AGBL1: variants seen among roughly 807,000 people sequenced by gnomAD.
AGBL1 encodes the protein cytosolic carboxypeptidase 4.
In AGBL1, 130 loss-of-function variants were observed where a neutral mutation model predicts 118.9. The observed-to-expected ratio is 1.09, with a 90% CI of 0.95 to 1.26. The LOEUF is 1.26. Among genes scored for constraint, AGBL1 ranks in the 50% most tolerant of loss-of-function variants. The probability of loss-of-function intolerance (pLI) is 0.00; values close to 1 mark genes in which losing one functional copy is unlikely to be tolerated. For missense variants in AGBL1, 1,584 were observed against 1,298.1 expected (o/e 1.22, Z -3.38); for synonymous variants, 555 against 478.9 (o/e 1.16, Z -2.08).
intron 1 of AGBL1, among the ~76,000 whole-genome samples, chr15:86,133,507 C>G (rs891772546): frequency 6.6e-6 from 1 of 152,326 alleles, no homozygotes; most frequent in South Asian, 2.1e-4. Flanking sequence ...AACTTCGAAG[C>G]TTTGTAAGAA....
At chr15:86,100,218 C>G (rs567600908) in intron 1 of AGBL1, among the ~76,000 whole-genome samples, 1 of 152,202 alleles carries the variant, frequency 6.6e-6, no homozygotes, top group South Asian at 2.1e-4. Flanking sequence ...TTTTATGATG[C>G]ATGTTAGATT....
intron 21 of AGBL1, among the ~76,000 whole-genome samples, chr15:86,592,775 G>T (rs532995737): frequency 3.3e-5 from 5 of 152,276 alleles, no homozygotes; most frequent in African/African-American, 1.2e-4. Flanking sequence ...TCTATCTTGG[G>T]AAACTGCCTT....
intron 17 of AGBL1, among the ~76,000 whole-genome samples, chr15:86,320,196 C>CG (rs2080083047): frequency 1.3e-5 from 2 of 151,902 alleles, no homozygotes; most frequent in South Asian, 2.1e-4. Flanking sequence ...ATATTCCTAT[C>CG]GGGAAAAAAG....
intron 18 of AGBL1, among the ~76,000 whole-genome samples, chr15:86,420,465 C>A (rs1192777674): frequency 6.6e-6 from 1 of 152,180 alleles, no homozygotes; most frequent in African/African-American, 2.4e-5. Context: ...ATCTGAAGGT[C>A]ACCAACATCA....
chr15:86,821,146 A>C (rs1567190608), intron 22 of AGBL1, among the ~76,000 whole-genome samples: 1 of 151,974 alleles, frequency 6.6e-6, no homozygotes, highest in Non-Finnish European at 1.5e-5. Flanking sequence ...GGACACAGGG[A>C]GGGGAACATC....
intron 22 of AGBL1, among the ~76,000 whole-genome samples, chr15:86,848,584 G>A (rs184107630): frequency 5.9e-5 from 9 of 151,994 alleles, no homozygotes; most frequent in Admixed American, 2.0e-4. Flanking sequence ...AAGTATGGTC[G>A]CAGTCATTCA....
rs2078936240 is a variant in AGBL1 at position 86,258,700 on chromosome 15, T to C, written c.969+669T>C. 2.0e-5 allele frequency among the ~76,000 whole-genome samples: 3 copies of C among 152,092 alleles called. No individual in the cohort carries two copies. The South Asian group carries it at 6.2e-4, about 31-fold the overall frequency. ...CAATTTGTAAACAAATGGGCATGGC[T>C]GTGTTCCAAGAAATTTTTTTTTTTG... is the stretch of plus-strand genomic sequence containing the variant. On this transcript the variant is annotated intron_variant, in intron 9 of 22. Coordinates refer to ENST00000614907, the MANE Select transcript of AGBL1 (RefSeq NM_001386094.1).
At chr15:86,235,995 A>G (rs2078535831) in intron 6 of AGBL1, among the ~76,000 whole-genome samples, 1 of 152,240 alleles carries the variant, frequency 6.6e-6, no homozygotes, top group East Asian at 1.9e-4. Context: ...AGGCCGAAAG[A>G]GATTGACTGA....
chr15:86,395,465 A>C (rs2081348808), intron 17 of AGBL1, among the ~76,000 whole-genome samples: 2 of 152,100 alleles, frequency 1.3e-5, no homozygotes, highest in African/African-American at 4.8e-5. Flanking sequence ...ATACACCTCC[A>C]TTAGCTCACT....
chr15:86,374,385 T>A (rs2081008758), intron 17 of AGBL1, among the ~76,000 whole-genome samples: 1 of 152,238 alleles, frequency 6.6e-6, no homozygotes, highest in Non-Finnish European at 1.5e-5. Flanking sequence ...CTTGCATTTA[T>A]CTAAATGTCA....
At chr15:86,426,039 C>G (rs976584400) in intron 18 of AGBL1, among the ~76,000 whole-genome samples, 9 of 151,966 alleles carry the variant, frequency 5.9e-5, no homozygotes, top group African/African-American at 2.2e-4. Flanking sequence ...ACATTTTTTT[C>G]AAAGCATCAG....
chr15:86,446,089 T>C (rs1360086558), intron 18 of AGBL1, among the ~76,000 whole-genome samples: 1 of 152,104 alleles, frequency 6.6e-6, no homozygotes, highest in East Asian at 1.9e-4. Flanking sequence ...TATACACAGC[T>C]GGGAGAAGAT....
intron 22 of AGBL1, among the ~76,000 whole-genome samples, chr15:86,732,562 TAAGA>T (rs1352922730): frequency 3.9e-5 from 6 of 152,206 alleles, no homozygotes; most frequent in Admixed American, 3.9e-4. Context: ...ATGTGGAGAT[TAAGA>T]AAGATAGTAC....
At chr15:86,959,952 G>C (rs1215660360) in intron 23 of AGBL1, among the ~76,000 whole-genome samples, 1 of 152,056 alleles carries the variant, frequency 6.6e-6, no homozygotes, top group Non-Finnish European at 1.5e-5. Flanking sequence ...AATGGGATTA[G>C]CTCTTCTTTA....
At chr15:86,434,605 C>T (rs564278625) in intron 18 of AGBL1, among the ~76,000 whole-genome samples, 1 of 152,292 alleles carries the variant, frequency 6.6e-6, no homozygotes, top group South Asian at 2.1e-4. Flanking sequence ...AACATTTAAG[C>T]GCTAAGAATA....
chr15:86,418,182 A>G (rs1333049193), intron 18 of AGBL1, among the ~76,000 whole-genome samples: 2 of 152,184 alleles, frequency 1.3e-5, no homozygotes, highest in African/African-American at 4.8e-5. Context: ...CATGTCATTG[A>G]TACATTTGTT....
chr15:86,152,985 G>A (rs962467118), intron 3 of AGBL1, among the ~76,000 whole-genome samples: 7 of 152,118 alleles, frequency 4.6e-5, no homozygotes. Flanking sequence ...CAATTAGAAT[G>A]GTAATCATTA....
intron 18 of AGBL1, among the ~76,000 whole-genome samples, chr15:86,427,635 A>G (rs2081883407): frequency 6.6e-6 from 1 of 151,796 alleles, no homozygotes; most frequent in Admixed American, 6.6e-5. Context: ...AGTAGTTTTC[A>G]TGAGACAGCC....
intron 17 of AGBL1, among the ~76,000 whole-genome samples, chr15:86,351,699 C>A (rs2080629141): frequency 1.3e-5 from 2 of 152,148 alleles, no homozygotes; most frequent in Admixed American, 1.3e-4. Context: ...TATAAGTTTA[C>A]ATCCAGAAGA....
Sources: gnomAD v4.1 joint callset for allele counts (sites outside exome capture counted in the v4.1 genomes callset) on GRCh38, gnomAD v4.1.1 for gene constraint, MANE v1.5 for transcripts, NCBI Gene and HGNC (gene_info 2026-07-23, HGNC 2026-07-21) for gene names.